SSMEM1: variants seen among roughly 807,000 people sequenced by gnomAD.
SSMEM1 encodes serine-rich single-pass membrane protein 1.
Under a neutral mutation model 9.9 loss-of-function variants are expected in SSMEM1, and 12 were observed. The ratio of observed to expected loss-of-function variants is 1.21; its 90% confidence interval spans 0.78 to 1.96. SSMEM1 has a LOEUF of 1.96. Among genes scored for constraint, SSMEM1 ranks in the 30% most tolerant of loss-of-function variants. The pLI, the probability that SSMEM1 is intolerant of heterozygous loss-of-function variation, is 0.00. For missense variants in SSMEM1, 259 were observed against 292.2 expected (o/e 0.89, Z 0.83); for synonymous variants, 96 against 98.9 (o/e 0.97, Z 0.17).
At position 130,213,493 on chromosome 7, in the gene SSMEM1, A is replaced by G. The variant is rs1266299935; in HGVS notation, c.197A>G (p.Lys66Arg). ...TTTCTGAAACAGATGTCTGAGGATA[A>G]AAAGGATGAAGGCAGTGGGACAAGT... is the stretch of plus-strand genomic sequence containing the variant. ...SRASVWMSED[K>R]KDEGSGTSTS... The change falls in exon 2 of 3, where the codon AAA becomes AGA. Residue 66 changes from lysine (K) to arginine (R), a missense_variant. Physicochemically the swap from Lys to Arg is conservative, Grantham distance 26 (BLOSUM62 2). Coordinates refer to ENST00000297819, the MANE Select transcript of SSMEM1 (RefSeq NM_145268.4). The G allele has an allele frequency of 6.2e-7, 1 of 1,610,904 alleles. No individual in the cohort carries two copies. Among genetic ancestry groups the G allele is most frequent in the Non-Finnish European group, 8.5e-7 (1 of 1,177,934 alleles).
chr7:130,207,311 G>A (rs190704683), upstream of SSMEM1, among the ~76,000 whole-genome samples: 27 of 152,306 alleles, frequency 1.8e-4, no homozygotes, highest in Admixed American at 7.2e-4. Context: ...TTTCTCCTGA[G>A]GCGGGTCTCC....
chr7:130,212,403 T>C (rs937871998), intron 1 of SSMEM1, among the ~76,000 whole-genome samples: 2 of 152,310 alleles, frequency 1.3e-5, no homozygotes, highest in South Asian at 2.1e-4. Flanking sequence ...CTATCAGTAA[T>C]GTACCCTGAT....
intron 2 of SSMEM1, among the ~76,000 whole-genome samples, 176 bp downstream of exon 2, chr7:130,213,710 A>AGAAAAG (rs113909675): frequency 8.4e-6 from 1 of 119,324 alleles, no homozygotes; most frequent in Non-Finnish European, 1.7e-5. Flanking sequence ...AAAAAAAAAA[A>AGAAAAG]AAAAGAAAAG....
In SSMEM1 at chr7:130,215,965, G is replaced by A; in HGVS notation, c.239-9G>A. ...TATTACTAACTTGATATGTTTCATT[G>A]GTTGTTAGCAAGCAAAGAGACTTCC... is the stretch of plus-strand genomic sequence containing the variant. On this transcript the variant is annotated splice_polypyrimidine_tract_variant and intron_variant, in intron 2 of 2. Transcript: ENST00000297819. The A allele has an allele frequency of 6.2e-7, 1 of 1,612,396 alleles. No individual in the cohort carries two copies. Among genetic ancestry groups the A allele is most frequent in the South Asian group, 1.1e-5 (1 of 90,982 alleles).
intron 1 of SSMEM1, among the ~76,000 whole-genome samples, chr7:130,209,978 C>A (rs184465273): frequency 3.9e-5 from 6 of 152,194 alleles, no homozygotes; most frequent in Non-Finnish European, 8.8e-5. Context: ...GTCCAGCCTT[C>A]TGTTTGTAGG....
At position 130,216,194 on chromosome 7, in the gene SSMEM1, A is replaced by C; in HGVS notation, c.459A>C (p.Glu153Asp). Reference sequence around the variant, plus strand: ...GTGATACTACGGAGTATGGCAGTGAAGAGTCTAACTCAGAAGCCTCCTCGT... The same window carrying C: ...GTGATACTACGGAGTATGGCAGTGACGAGTCTAACTCAGAAGCCTCCTCGT... ...HDSDTTEYGSEESNSEASSWK... is the reference protein window; with the variant it reads ...HDSDTTEYGSDESNSEASSWK... Residue 153 changes from glutamate to aspartate, a missense_variant, in exon 3 of 3, where the codon GAA (glutamate) becomes GAC (aspartate). Physicochemically the swap from Glu to Asp is conservative, Grantham distance 45 (BLOSUM62 2). Coordinates refer to ENST00000297819, the MANE Select transcript of SSMEM1 (RefSeq NM_145268.4). 1 of 1,614,222 alleles carries C rather than the reference A, an allele frequency of 6.2e-7. No individual in the cohort carries two copies. The highest frequency in any genetic ancestry group is 8.5e-7 in the Non-Finnish European group (1 of 1,180,038).
chr7:130,215,919 G>A, intron 2 of SSMEM1, 55 bp from the exon 3 acceptor site: 12 of 1,578,138 alleles, frequency 7.6e-6, no homozygotes, highest in Non-Finnish European at 9.5e-6. Flanking sequence ...TTAAGTAATA[G>A]GAATTCATAG....
upstream of SSMEM1, chr7:130,207,838 TAGAG>T: frequency 2.7e-6 from 4 of 1,498,538 alleles, no homozygotes; most frequent in Non-Finnish European, 3.7e-6. Context: ...TCATACATCA[TAGAG>T]GGAGTGAAGT....
rs1161519121 is a variant in SSMEM1, at chr7:130,216,778, TTTTG to T, written c.*312_*315del. The T allele has an allele frequency of 3.7e-5, 12 of 320,960 alleles. No individual in the cohort carries two copies. Among genetic ancestry groups the T allele is most frequent in the Admixed American group, 1.4e-4 (3 of 21,574 alleles). The allele number at this position is 320,960 out of a possible 1,614,324, so 19.9% of individuals were successfully genotyped here. A position where few individuals can be genotyped will look rare whatever the true frequency, so the allele number is the denominator to read the frequency against. ...ATATTTTGTGCCTTGAGTGTATGTATTTTGTTTATGTCTGTAATATGAATAAGAA... is the reference window on the plus strand; with the variant it reads ...ATATTTTGTGCCTTGAGTGTATGTATTTTATGTCTGTAATATGAATAAGAA... On this transcript the variant is annotated 3_prime_UTR_variant, in exon 3 of 3. Coordinates refer to ENST00000297819, the MANE Select transcript of SSMEM1 (RefSeq NM_145268.4).
chr7:130,206,480 T>C (rs1798473627), upstream of SSMEM1, among the ~76,000 whole-genome samples: 4 of 152,258 alleles, frequency 2.6e-5, no homozygotes. Context: ...GTATGTCCAA[T>C]GGCCAAAGTT....
intron 2 of SSMEM1, 127 bp downstream of exon 2, chr7:130,213,661 C>T: frequency 7.4e-6 from 2 of 270,454 alleles, no homozygotes; most frequent in Admixed American, 1.2e-4. Context: ...AGTTCAAGAC[C>T]ACAGCTTGAG....
At chr7:130,205,834 G>T (rs1342476689), upstream of SSMEM1, among the ~76,000 whole-genome samples, 1 of 148,006 alleles carries the variant, frequency 6.8e-6, no homozygotes, top group African/African-American at 2.4e-5. Context: ...CAAGAGTCCT[G>T]ACCCCATGTA....
chr7:130,205,519 A>T, upstream of SSMEM1: 1 of 1,328,822 alleles, frequency 7.5e-7, no homozygotes, highest in South Asian at 1.2e-5. Flanking sequence ...GAGGGGTCGC[A>T]GGCCCAGGCG....
chr7:130,215,950 T>C (rs771096100), intron 2 of SSMEM1, 24 bp from the exon 3 acceptor site: 16 of 1,609,202 alleles, frequency 9.9e-6, no homozygotes, highest in East Asian at 8.9e-5. Flanking sequence ...TATTACTAAC[T>C]TGATATGTTT....
intron 1 of SSMEM1, among the ~76,000 whole-genome samples, chr7:130,212,215 G>A (rs571389359): frequency 6.2e-4 from 94 of 152,192 alleles, no homozygotes; most frequent in African/African-American, 1.8e-3. Context: ...AGTATTGGGG[G>A]GCAGAATATT....
chr7:130,205,474 C>A, upstream of SSMEM1: 1 of 1,582,476 alleles, frequency 6.3e-7, no homozygotes, highest in Non-Finnish European at 8.7e-7. Flanking sequence ...CTAAAGTTAC[C>A]GGAAGAACTA....
intron 1 of SSMEM1, among the ~76,000 whole-genome samples, chr7:130,212,748 C>CA (rs941473905): frequency 5.3e-5 from 8 of 150,708 alleles, no homozygotes; most frequent in Non-Finnish European, 1.0e-4. Flanking sequence ...AAAACAAAAA[C>CA]AAAAAAACAA....
Position 130,216,662 on chromosome 7 carries a change from T to G in SSMEM1, c.*192T>G. On this transcript the variant is annotated 3_prime_UTR_variant, in exon 3 of 3. Transcript: ENST00000297819. ...AAAAAAAAAAAGGCCATCACGTGTT[T>G]ATGGCACCATTGGAACACCAAAGAT... 3 of 636,120 alleles carry G rather than the reference T, an allele frequency of 4.7e-6. No homozygotes were observed. Among genetic ancestry groups the G allele is most frequent in the East Asian group, 2.9e-5 (1 of 34,994 alleles). The allele number at this position is 636,120 out of a possible 1,614,324, so 39.4% of individuals were successfully genotyped here.
rs774954792 is a variant in SSMEM1 at position 130,216,104 on chromosome 7, T to C, written c.369T>C (p.Tyr123=). The C allele has an allele frequency of 3.9e-5, 63 of 1,614,012 alleles. No homozygotes were observed. In the East Asian group the frequency reaches 1.4e-3, roughly 35 times the overall value. ...TNSEVALVNA[Y]PEQRRARRQS... ...CAGAAGTGGCTTTGGTCAATGCCTA[T>C]CCTGAACAAAGACGAGCCAGGCGCC... Residue 123 remains tyrosine, a synonymous_variant, in exon 3 of 3, where the codon TAT becomes TAC. Coordinates refer to ENST00000297819, the MANE Select transcript of SSMEM1 (RefSeq NM_145268.4).
Sources: allele counts gnomAD v4.1 joint callset (sites outside exome capture counted in the v4.1 genomes callset), GRCh38; gene constraint gnomAD v4.1.1; transcripts MANE v1.5; gene names NCBI Gene and HGNC (gene_info 2026-07-23, HGNC 2026-07-21).